Variants in GSPT1 observed in about 807,000 individuals in gnomAD.
The protein encoded by GSPT1 is eukaryotic peptide chain release factor GTP-binding subunit ERF3A.
Under a neutral mutation model 72.5 loss-of-function variants are expected in GSPT1, and 20 were observed. The observed-to-expected ratio is 0.28, with a 90% CI of 0.19 to 0.40. The LOEUF (loss-of-function observed/expected upper bound fraction) is 0.40, where lower values mean the gene tolerates loss of function less well. GSPT1 is among the 10% of genes least tolerant of loss of function. GSPT1 has a pLI of 1.00. For synonymous variants in GSPT1, 334 were observed against 293.5 expected, an observed-to-expected ratio of 1.14 and a Z score of -1.41; for missense variants, 580 against 811.9, an observed-to-expected ratio of 0.71 and a Z score of 3.47.
chr16:11,915,999 A>AC (rs772341874), upstream of GSPT1: 1 of 681,016 alleles, frequency 1.5e-6, no homozygotes, highest in African/African-American at 1.8e-5. Context: ...CTCACAGCCA[A>AC]CCCCACCCCC....
intron 1 of GSPT1, among the ~76,000 whole-genome samples, chr16:11,905,145 A>C (rs534233607): frequency 6.6e-6 from 1 of 152,360 alleles, no homozygotes; most frequent in Non-Finnish European, 1.5e-5. Context: ...TTAAAGAAAA[A>C]TACAACTTCG....
chr16:11,903,648 A>C lies in GSPT1; in HGVS notation c.353-5613T>G, dbSNP rs560938627. Among the ~76,000 whole-genome samples, 5 of 152,340 alleles carry C rather than the reference A, an allele frequency of 3.3e-5. No individual in the cohort carries two copies. The South Asian group carries it at 1.0e-3, about 32-fold the overall frequency. ...GGAGGCTGCAGTGAACCAAGATCGC[A>C]CCACTGCACTCCAACCTGGACCACG... On this transcript the variant is annotated intron_variant, in intron 1 of 14. Transcript: ENST00000434724.
At chr16:11,876,934 T>C (rs2054055952) in intron 12 of GSPT1, among the ~76,000 whole-genome samples, 1 of 152,218 alleles carries the variant, frequency 6.6e-6, no homozygotes, top group South Asian at 2.1e-4. Context: ...TCTAACTTGA[T>C]TAGTTGTCAT....
At chr16:11,886,153 C>A (rs909140164) in intron 9 of GSPT1, among the ~76,000 whole-genome samples, 1 of 151,948 alleles carries the variant, frequency 6.6e-6, no homozygotes, top group African/African-American at 2.4e-5. Context: ...TCAAAGGACA[C>A]CATCGAGAAG....
In GSPT1 at chr16:11,877,521, T is replaced by C; in HGVS notation, c.1488A>G (p.Pro496=). ...TCAGTCTGATTTTGAGGTTTTCACCTGGGGCTACGGTATCAGTCTCTACAT... is the reference window on the plus strand; with the variant it reads ...TCAGTCTGATTTTGAGGTTTTCACCCGGGGCTACGGTATCAGTCTCTACAT... The part of the protein sequence containing the change: ...SDDVETDTVA[P]GENLKIRLKG... The change falls in exon 12 of 15, where the codon CCA becomes CCG. Residue 496 remains proline, a synonymous_variant. Transcript: ENST00000434724. The surrounding 1 kb of genome is among the most constrained non-coding windows in gnomAD (Gnocchi z 4.0). The C allele has an allele frequency of 6.2e-7, 1 of 1,611,228 alleles. No homozygotes were observed. Among genetic ancestry groups the C allele is most frequent in the Non-Finnish European group, 8.5e-7 (1 of 1,177,582 alleles).
At chr16:11,876,231 A>T in intron 12 of GSPT1, 56 bp from the exon 13 acceptor site, 1 of 1,077,030 alleles carries the variant, frequency 9.3e-7, no homozygotes, top group Admixed American at 1.7e-5. Context: ...TAAGAATTCA[A>T]TGTTCTCAAG....
chr16:11,878,835 G>A (rs1420145351), intron 11 of GSPT1, among the ~76,000 whole-genome samples: 3 of 151,988 alleles, frequency 2.0e-5, no homozygotes, highest in Non-Finnish European at 2.9e-5. Flanking sequence ...GGAGGCCGAG[G>A]CGGGTGATCA....
chr16:11,912,943 G>A (rs975070498), intron 1 of GSPT1, among the ~76,000 whole-genome samples: 4 of 152,138 alleles, frequency 2.6e-5, no homozygotes, highest in Admixed American at 6.6e-5. Context: ...TGAATCCCAA[G>A]GTCTGACTCT....
At chr16:11,910,429 A>T (rs945259552) in intron 1 of GSPT1, among the ~76,000 whole-genome samples, 1 of 152,182 alleles carries the variant, frequency 6.6e-6, no homozygotes, top group Non-Finnish European at 1.5e-5. Context: ...GTGTTATTTC[A>T]AGTGCCTAGC....
rs1009332285 is a variant in GSPT1, at chr16:11,870,385, A to T, written c.*2734T>A. ...ATTTAAAAAACTAAATAATCGCATGAAAGTTATATAAAGAACATCATTAAT... is the reference window on the plus strand; with the variant it reads ...ATTTAAAAAACTAAATAATCGCATGTAAGTTATATAAAGAACATCATTAAT... On this transcript the variant is annotated 3_prime_UTR_variant, in exon 15 of 15. Coordinates refer to ENST00000434724, the MANE Select transcript of GSPT1 (RefSeq NM_002094.4). The T allele has an allele frequency of 6.6e-6, 1 of 152,260 alleles. No individual in the cohort carries two copies. Among genetic ancestry groups the T allele is most frequent in the East Asian group, 1.9e-4 (1 of 5,206 alleles). The allele number at this position is 152,260 out of a possible 1,614,324, so 9.4% of individuals were successfully genotyped here.
At chr16:11,894,882 A>C (rs2054314699) in intron 5 of GSPT1, 72 bp downstream of exon 5, 2 of 920,594 alleles carry the variant, frequency 2.2e-6, no homozygotes, top group African/African-American at 3.3e-5. Context: ...GTGTGACTGT[A>C]TGAAGGTTTA....
At chr16:11,912,999 C>T (rs909374079) in intron 1 of GSPT1, among the ~76,000 whole-genome samples, 1 of 152,194 alleles carries the variant, frequency 6.6e-6, no homozygotes, top group African/African-American at 2.4e-5. Context: ...TAAAAACACA[C>T]CCAGCACAAA....
In GSPT1 at chr16:11,877,676, C is replaced by A; in HGVS notation, c.1429-96G>T. The A allele has an allele frequency of 1.4e-6, 1 of 692,804 alleles. No homozygotes were observed. The highest frequency in any genetic ancestry group is 2.3e-6 in the Non-Finnish European group (1 of 436,310). The allele number at this position is 692,804 out of a possible 1,614,324, so 42.9% of individuals were successfully genotyped here. A position where few individuals can be genotyped will look rare whatever the true frequency, so the allele number is the denominator to read the frequency against. ...TGTCTGTCTGCTCAATAAAGAGTTG[C>A]AAGATTTGACTGTAAACACTTATGT... On this transcript the variant is annotated intron_variant, in intron 11 of 14. Transcript: ENST00000434724. This position sits in a 1 kb window ranked among gnomAD's most constrained non-coding sequence, Gnocchi z 4.0.
intron 14 of GSPT1, 126 bp downstream of exon 14, chr16:11,875,635 A>T: frequency 3.2e-6 from 2 of 631,770 alleles, no homozygotes; most frequent in Non-Finnish European, 5.3e-6. Flanking sequence ...AAACACTCAT[A>T]CGAATAAGAA....
intron 11 of GSPT1, chr16:11,881,373 C>T (rs917263108): frequency 6.7e-6 from 1 of 148,994 alleles, no homozygotes; most frequent in Non-Finnish European, 1.5e-5. Flanking sequence ...TACTAAGGCC[C>T]CTCACTTGCA....
At chr16:11,904,471 G>A (rs957925225) in intron 1 of GSPT1, among the ~76,000 whole-genome samples, 1 of 152,056 alleles carries the variant, frequency 6.6e-6, no homozygotes, top group Non-Finnish European at 1.5e-5. Context: ...TAAAGTGCTG[G>A]GATTACAAGC....
intron 1 of GSPT1, chr16:11,915,085 G>A (rs1393572725): frequency 3.9e-6 from 5 of 1,290,106 alleles, no homozygotes; most frequent in African/African-American, 3.0e-5. Context: ...CATCTCAAGT[G>A]GGTAACTGCG....
chr16:11,888,116 T>C (rs933811526), intron 6 of GSPT1, among the ~76,000 whole-genome samples: 14 of 151,612 alleles, frequency 9.2e-5, no homozygotes, highest in Admixed American at 5.9e-4. Flanking sequence ...GACCGTGCCA[T>C]TGCACTCCAG....
At chr16:11,908,006 C>A (rs1596475647) in intron 1 of GSPT1, among the ~76,000 whole-genome samples, 1 of 152,160 alleles carries the variant, frequency 6.6e-6, no homozygotes, top group African/African-American at 2.4e-5. Flanking sequence ...CTTTGGGAGG[C>A]TGAAGTGGGC....
Sources: allele counts gnomAD v4.1 joint callset (sites outside exome capture counted in the v4.1 genomes callset), GRCh38; gene constraint gnomAD v4.1.1; non-coding constraint Gnocchi (gnomAD v3.1); transcripts MANE v1.5; gene names NCBI Gene and HGNC (gene_info 2026-07-23, HGNC 2026-07-21).